Variants in DHX15 observed in about 807,000 individuals in gnomAD.
The protein encoded by DHX15 is ATP-dependent RNA helicase DHX15.
DHX15 carries 11 observed loss-of-function variants against 94.4 expected under a neutral mutation model. The ratio of observed to expected loss-of-function variants is 0.12; its 90% confidence interval spans 0.07 to 0.19. The LOEUF is 0.19. DHX15 is among the 10% of genes least tolerant of loss of function. DHX15 has a pLI of 1.00. For missense variants in DHX15, 304 were observed against 988.5 expected (o/e 0.31, Z 9.29); for synonymous variants, 338 against 329.9 (o/e 1.02, Z -0.27).
chr4:24,562,069 C>A (rs1010257211), intron 3 of DHX15, among the ~76,000 whole-genome samples: 1 of 135,810 alleles, frequency 7.4e-6, no homozygotes, highest in Non-Finnish European at 1.5e-5. Context: ...CCAGGAGGCA[C>A]AGGCTGCAGC....
chr4:24,544,436 T>C (rs765587488), intron 6 of DHX15, among the ~76,000 whole-genome samples: 3 of 152,166 alleles, frequency 2.0e-5, no homozygotes, highest in Non-Finnish European at 2.9e-5. Flanking sequence ...CTTTTGTCAG[T>C]TGAAAAGACT....
At chr4:24,532,465 T>C (rs1194175505) in intron 12 of DHX15, among the ~76,000 whole-genome samples, 1 of 152,226 alleles carries the variant, frequency 6.6e-6, no homozygotes, top group Non-Finnish European at 1.5e-5. Context: ...TAGTACTCTG[T>C]TATGACAATG....
intron 1 of DHX15, among the ~76,000 whole-genome samples, chr4:24,581,154 G>C (rs948471481): frequency 6.6e-6 from 1 of 151,460 alleles, no homozygotes; most frequent in African/African-American, 2.4e-5. Flanking sequence ...CAGCCTCCCA[G>C]AGTAGCTGGG....
rs75897433 is a variant in DHX15, at chr4:24,577,870, G to T, written c.72-1192C>A. On this transcript the variant is annotated intron_variant, in intron 1 of 13. Transcript: ENST00000336812. ...CCATCAGCAGAGAAATTTGCCTCAAGATCTTTAAACCCAGACTTGAAATAA... is the reference window on the plus strand; with the variant it reads ...CCATCAGCAGAGAAATTTGCCTCAATATCTTTAAACCCAGACTTGAAATAA... 5.2e-3 allele frequency among the ~76,000 whole-genome samples: 788 copies of T among 152,246 alleles called. 4 individuals carry two copies. The highest frequency in any genetic ancestry group is 0.018 in the African/African-American group (745 of 41,520).
chr4:24,542,702 C>T (rs1721337593), intron 7 of DHX15, among the ~76,000 whole-genome samples: 2 of 151,846 alleles, frequency 1.3e-5, no homozygotes, highest in South Asian at 4.2e-4. Context: ...ACCGTCACTA[C>T]ACTGAAACAA....
At chr4:24,548,793 A>G in intron 6 of DHX15, 62 bp downstream of exon 6, 1 of 1,467,834 alleles carries the variant, frequency 6.8e-7, no homozygotes, top group East Asian at 2.4e-5. Context: ...ATAACTGAAT[A>G]CAGTTTATAT....
At chr4:24,540,013 C>A in intron 10 of DHX15, 95 bp downstream of exon 10, 1 of 859,820 alleles carries the variant, frequency 1.2e-6, no homozygotes. Context: ...CTATAAAATC[C>A]ACTATCATAC....
In DHX15 at chr4:24,547,897, GTATGTGTATATATATATA is replaced by G. The variant is rs1221735290; in HGVS notation, c.1248+940_1248+957del. ...TCTCTCTCTCTCTCTCTCTATGTAT[GTATGTGTATATATATATA>G]TATATATATATATATATATATATAT... On this transcript the variant is annotated intron_variant, in intron 6 of 13. Transcript: ENST00000336812. Among the ~76,000 whole-genome samples the G allele has an allele frequency of 5.6e-3, 315 of 55,780 alleles. 10 individuals are homozygous for G. Among genetic ancestry groups the G allele is most frequent in the African/African-American group, 0.015 (227 of 14,654 alleles). 36.6% of individuals were successfully genotyped at this position (55,780 alleles called of 152,430 possible).
rs1577331453 is a variant in DHX15, at chr4:24,532,516, A to C, written c.2100+348T>G. Among the ~76,000 whole-genome samples, 3 of 152,344 alleles carry C rather than the reference A, an allele frequency of 2.0e-5. No individual in the cohort carries two copies. In the East Asian group the frequency reaches 5.8e-4, roughly 29 times the overall value. ...CCTAGATTCAGAGAAACTTTAATGCACTGATCAATATTCACATTCCTGAAG... is the reference window on the plus strand; with the variant it reads ...CCTAGATTCAGAGAAACTTTAATGCCCTGATCAATATTCACATTCCTGAAG... On this transcript the variant is annotated intron_variant, in intron 12 of 13. Transcript: ENST00000336812.
At chr4:24,551,231 T>C (rs1023710472) in intron 5 of DHX15, among the ~76,000 whole-genome samples, 1 of 152,212 alleles carries the variant, frequency 6.6e-6, no homozygotes, top group Non-Finnish European at 1.5e-5. Flanking sequence ...CCCAGAAGTA[T>C]GTAAAACGCT....
In DHX15 at chr4:24,547,861, GTCTCTCTCTCTCTCTCTCTC is replaced by G. The variant is rs36229958; in HGVS notation, c.1248+974_1248+993del. 2.7e-3 allele frequency among the ~76,000 whole-genome samples: 342 copies of G among 126,550 alleles called. 14 individuals carry two copies. The highest frequency in any genetic ancestry group is 0.025 in the Admixed American group (313 of 12,630). The allele number at this position is 126,550 out of a possible 152,430, so 83.0% of individuals were successfully genotyped here. A position where few individuals can be genotyped will look rare whatever the true frequency, so the allele number is the denominator to read the frequency against. On this transcript the variant is annotated intron_variant, in intron 6 of 13. Coordinates refer to ENST00000336812, the MANE Select transcript of DHX15 (RefSeq NM_001358.3). ...TTATATAAATATTTAAGACATATATGTCTCTCTCTCTCTCTCTCTCTCTCTCTCTATGTATGTATGTGTAT... is the reference window on the plus strand; with the variant it reads ...TTATATAAATATTTAAGACATATATGTCTCTCTCTATGTATGTATGTGTAT...
intron 3 of DHX15, among the ~76,000 whole-genome samples, chr4:24,570,405 C>T (rs534259085): frequency 2.4e-4 from 37 of 152,228 alleles, no homozygotes; most frequent in African/African-American, 8.7e-4. Context: ...TTTACAGTAT[C>T]AGTAACATTT....
chr4:24,563,856 G>A (rs2109005397), intron 3 of DHX15, among the ~76,000 whole-genome samples: 1 of 152,162 alleles, frequency 6.6e-6, no homozygotes, highest in South Asian at 2.1e-4. Context: ...ACGAGGTCAG[G>A]AGATCAAGAC....
chr4:24,535,227 A>G (rs1485396721), intron 11 of DHX15, among the ~76,000 whole-genome samples: 1 of 152,206 alleles, frequency 6.6e-6, no homozygotes, highest in Non-Finnish European at 1.5e-5. Context: ...ACCATCATTC[A>G]TACTTGTCCG....
intron 2 of DHX15, among the ~76,000 whole-genome samples, chr4:24,572,344 C>A (rs1722142087): frequency 6.6e-6 from 1 of 152,152 alleles, no homozygotes; most frequent in Non-Finnish European, 1.5e-5. Flanking sequence ...CCACGTTGGG[C>A]AAGCTGGTGT....
At chr4:24,532,066 T>C (rs1721096150) in intron 12 of DHX15, among the ~76,000 whole-genome samples, 1 of 152,186 alleles carries the variant, frequency 6.6e-6, no homozygotes. Flanking sequence ...AGAAGAGACT[T>C]ATCCCAAATC....
intron 11 of DHX15, among the ~76,000 whole-genome samples, chr4:24,536,509 G>A (rs997827055): frequency 3.9e-5 from 6 of 152,062 alleles, no homozygotes; most frequent in African/African-American, 1.2e-4. Context: ...TGAGAAAATG[G>A]TAATGCCTTT....
Position 24,574,205 on chromosome 4 carries a change from C to CAAAAAAAAAAAAAAAAA in DHX15, c.507+2021_507+2037dup, listed in dbSNP as rs61031930. On this transcript the variant is annotated intron_variant, in intron 2 of 13. Transcript: ENST00000336812. ...TGGGTGACAGAGCGAGACTTTGTCT[C>CAAAAAAAAAAAAAAAAA]AAAAAAAAAAAAAAAAAAAAAAAGT... 9.5e-3 allele frequency among the ~76,000 whole-genome samples: 652 copies of CAAAAAAAAAAAAAAAAA among 68,770 alleles called. 50 individuals carry two copies. The highest frequency in any genetic ancestry group is 0.013 in the South Asian group (17 of 1,296). 45.1% of individuals were successfully genotyped at this position (68,770 alleles called of 152,430 possible). A position where few individuals can be genotyped will look rare whatever the true frequency, so the allele number is the denominator to read the frequency against.
intron 2 of DHX15, 140 bp downstream of exon 2, chr4:24,576,103 G>C: frequency 1.5e-6 from 1 of 667,448 alleles, no homozygotes; most frequent in Admixed American, 2.9e-5. Flanking sequence ...GAAATTCAGA[G>C]TGCCAATTAA....
Sources: gnomAD v4.1 joint callset for allele counts (sites outside exome capture counted in the v4.1 genomes callset) on GRCh38, gnomAD v4.1.1 for gene constraint, MANE v1.5 for transcripts, NCBI Gene and HGNC (gene_info 2026-07-23, HGNC 2026-07-21) for gene names.